STK3: variants seen among roughly 807,000 people sequenced by gnomAD.
STK3 encodes the protein serine/threonine-protein kinase 3.
In STK3, 41 loss-of-function variants were observed where a neutral mutation model predicts 58.0. The ratio of observed to expected loss-of-function variants is 0.71; its 90% CI spans 0.55 to 0.92. The LOEUF is 0.92. Ranked by LOEUF, STK3 falls within the 40% of genes least tolerant of loss-of-function variation. STK3 has a pLI of 0.00. For missense variants in STK3, 479 were observed against 602.7 expected (o/e 0.79, Z 2.15); for synonymous variants, 170 against 191.0 (o/e 0.89, Z 0.91).
At chr8:98,753,199 T>C (rs977069168) in intron 3 of STK3, among the ~76,000 whole-genome samples, 3 of 152,184 alleles carry the variant, frequency 2.0e-5, no homozygotes, top group Non-Finnish European at 4.4e-5. Context: ...CTCTTCATAA[T>C]AGCAAAGACA....
chr8:98,737,601 C>T (rs1014160046), intron 4 of STK3, among the ~76,000 whole-genome samples: 7 of 152,208 alleles, frequency 4.6e-5, no homozygotes, highest in African/African-American at 1.7e-4. Flanking sequence ...TTCTTAGATA[C>T]TAGCATTAGC....
At chr8:98,400,463 C>T (rs1259537265), downstream of STK3, among the ~76,000 whole-genome samples, 6 of 152,236 alleles carry the variant, frequency 3.9e-5, no homozygotes, top group African/African-American at 1.4e-4. Context: ...GGGCTCTGTC[C>T]TGAACGTCTC....
At chr8:98,931,205 G>A (rs1020045581) in intron 1 of STK3, among the ~76,000 whole-genome samples, 3 of 152,162 alleles carry the variant, frequency 2.0e-5, no homozygotes, top group African/African-American at 7.2e-5. Flanking sequence ...AGTTCTGCTT[G>A]TATAGGAAGG....
chr8:98,607,096 A>G (rs898612007), intron 6 of STK3, among the ~76,000 whole-genome samples: 8 of 152,226 alleles, frequency 5.3e-5, no homozygotes, highest in Non-Finnish European at 1.0e-4. Flanking sequence ...GAATACTGTA[A>G]TTCAGGTGGT....
intron 10 of STK3, among the ~76,000 whole-genome samples, chr8:98,469,104 T>A: frequency 7.5e-6 from 1 of 132,526 alleles, no homozygotes. Context: ...TGAGACTCCA[T>A]CTTTAAAAAA....
At chr8:98,539,462 A>T (rs1310770837) in intron 9 of STK3, among the ~76,000 whole-genome samples, 1 of 152,084 alleles carries the variant, frequency 6.6e-6, no homozygotes, top group African/African-American at 2.4e-5. Flanking sequence ...ATCTCTCCTC[A>T]ACTGACACTA....
intron 3 of STK3, among the ~76,000 whole-genome samples, chr8:98,419,936 C>T (rs1586554602): frequency 6.6e-6 from 1 of 152,130 alleles, no homozygotes. Context: ...GATTCTGGGG[C>T]CCTGGGAGCT....
intron 1 of STK3, among the ~76,000 whole-genome samples, chr8:98,813,831 T>C (rs1348926001): frequency 3.9e-5 from 6 of 152,300 alleles, no homozygotes; most frequent in African/African-American, 1.2e-4. Flanking sequence ...TCAGAAAATA[T>C]AGACAAATTT....
intron 10 of STK3, among the ~76,000 whole-genome samples, chr8:98,466,167 T>C (rs1820448266): frequency 6.6e-6 from 1 of 152,210 alleles, no homozygotes; most frequent in Non-Finnish European, 1.5e-5. Context: ...AATTAAGTGA[T>C]TAATTTTCTT....
At chr8:98,837,363 C>CAA (rs533620773) in intron 3 of STK3, among the ~76,000 whole-genome samples, 6 of 63,274 alleles carry the variant, frequency 9.5e-5, no homozygotes, top group Non-Finnish European at 1.9e-4. Flanking sequence ...TGGAGCTCAG[C>CAA]AAAAAAAAAA....
At chr8:98,647,423 G>C (rs891895967) in intron 6 of STK3, among the ~76,000 whole-genome samples, 1 of 151,974 alleles carries the variant, frequency 6.6e-6, no homozygotes. Context: ...CTCCTTCTAG[G>C]ATGTAATCTC....
chr8:98,684,347 TG>T (rs550587999), intron 6 of STK3, among the ~76,000 whole-genome samples: 41 of 152,154 alleles, frequency 2.7e-4, no homozygotes, highest in Non-Finnish European at 5.6e-4. Context: ...CTTTGGGTAC[TG>T]TGTAACGTCC....
chr8:98,755,985 C>CA (rs1032467602), intron 3 of STK3, among the ~76,000 whole-genome samples: 6 of 151,172 alleles, frequency 4.0e-5, no homozygotes, highest in African/African-American at 9.7e-5. Context: ...ACTAAAAATA[C>CA]AAAAAAAATT....
At chr8:98,614,982 C>T (rs1461628690) in intron 6 of STK3, among the ~76,000 whole-genome samples, 1 of 152,224 alleles carries the variant, frequency 6.6e-6, no homozygotes, top group African/African-American at 2.4e-5. Flanking sequence ...GCCTGCCTGC[C>T]TCTGTAAGCT....
intron 3 of STK3, among the ~76,000 whole-genome samples, chr8:98,765,462 CT>C (rs1830885555): frequency 6.6e-6 from 1 of 152,152 alleles, no homozygotes; most frequent in Non-Finnish European, 1.5e-5. Flanking sequence ...GGAGTGAAAG[CT>C]TTCCATAAAT....
At chr8:98,684,036 G>A (rs906603823) in intron 6 of STK3, among the ~76,000 whole-genome samples, 1 of 152,154 alleles carries the variant, frequency 6.6e-6, no homozygotes. Context: ...CATAAGATGT[G>A]CTGACTGAAT....
chr8:98,526,997 T>G, intron 9 of STK3, 80 bp from the exon 10 acceptor site: 1 of 1,218,988 alleles, frequency 8.2e-7, no homozygotes, highest in Non-Finnish European at 1.1e-6. Flanking sequence ...GATTTTTTTA[T>G]GAAGCCATAT....
intron 4 of STK3, among the ~76,000 whole-genome samples, chr8:98,728,834 T>G (rs192246510): frequency 6.6e-4 from 101 of 152,302 alleles, no homozygotes; most frequent in African/African-American, 2.3e-3. Context: ...AGATGTCTAC[T>G]ATTAACAATG....
intron 7 of STK3, among the ~76,000 whole-genome samples, chr8:98,593,669 A>G (rs895977845): frequency 2.6e-5 from 4 of 152,222 alleles, no homozygotes; most frequent in African/African-American, 9.6e-5. Context: ...CTAATGCCTA[A>G]TGATCTGAGG....
Sources: gnomAD v4.1 joint callset for allele counts (sites outside exome capture counted in the v4.1 genomes callset) on GRCh38, gnomAD v4.1.1 for gene constraint, MANE v1.5 for transcripts, NCBI Gene and HGNC (gene_info 2026-07-23, HGNC 2026-07-21) for gene names.